XPO7: variants seen among roughly 807,000 people sequenced by gnomAD.
XPO7 encodes exportin-7.
In XPO7, 21 loss-of-function variants were observed where a neutral mutation model predicts 144.3. The observed-to-expected ratio is 0.15, with a 90% CI of 0.10 to 0.21. XPO7 has a LOEUF of 0.21. Among genes scored for constraint, XPO7 ranks in the 10% least tolerant of loss-of-function variants. XPO7 has a pLI of 1.00. For missense variants in XPO7, 808 were observed against 1,325.8 expected, an observed-to-expected ratio of 0.61 and a Z score of 6.06; for synonymous variants, 580 against 499.6, an observed-to-expected ratio of 1.16 and a Z score of -2.15.
chr8:21,947,420 C>G (rs533583585), intron 1 of XPO7, among the ~76,000 whole-genome samples: 1 of 152,136 alleles, frequency 6.6e-6, no homozygotes, highest in South Asian at 2.1e-4. Context: ...ACAGAGGGGT[C>G]TGAGGTATAT....
intron 23 of XPO7, 60 bp downstream of exon 23, chr8:21,999,365 T>C (rs1813062031): frequency 1.2e-6 from 2 of 1,600,300 alleles, no homozygotes; most frequent in Non-Finnish European, 1.7e-6. Flanking sequence ...CTTTTTCACC[T>C]GAGACCAAGA....
rs1387215119 is a variant in XPO7, at chr8:21,977,855, C to T, written c.837+12C>T. ...CATTTTCACCTCTGGTGAGTCAGGA[C>T]TACCGTTTCTTAAAGCAAACCTATT... On this transcript the variant is annotated intron_variant, in intron 8 of 27. Transcript: ENST00000252512. 1.2e-6 allele frequency: 2 copies of T among 1,611,570 alleles called. No homozygotes were observed. Among genetic ancestry groups the T allele is most frequent in the Non-Finnish European group, 1.7e-6 (2 of 1,178,002 alleles).
chr8:21,999,470 A>G, intron 23 of XPO7, 66 bp from the exon 24 acceptor site: 1 of 1,600,708 alleles, frequency 6.2e-7, no homozygotes, highest in Non-Finnish European at 8.5e-7. Flanking sequence ...GCTATTTAAG[A>G]TCGTCTCCCT....
intron 26 of XPO7, 93 bp downstream of exon 26, chr8:22,003,410 C>G: frequency 1.0e-6 from 1 of 960,368 alleles, no homozygotes; most frequent in Non-Finnish European, 1.6e-6. Context: ...TATAGAAACA[C>G]CCCACGGTGG....
chr8:21,965,116 T>G (rs1464276947), intron 1 of XPO7, among the ~76,000 whole-genome samples: 2 of 152,166 alleles, frequency 1.3e-5, no homozygotes, highest in African/African-American at 4.8e-5. Flanking sequence ...TCTTTCTTGT[T>G]ACCTATTTTC....
chr8:21,991,175 G>A (rs574618431), intron 18 of XPO7, among the ~76,000 whole-genome samples: 4 of 152,248 alleles, frequency 2.6e-5, no homozygotes, highest in African/African-American at 7.2e-5. Flanking sequence ...CATTCTTCGG[G>A]TGTTAAATAA....
chr8:21,971,042 A>AG (rs1563326607), intron 4 of XPO7, among the ~76,000 whole-genome samples: 1 of 152,206 alleles, frequency 6.6e-6, no homozygotes, highest in East Asian at 1.9e-4. Flanking sequence ...TTTTAAAAAA[A>AG]AAATCTTTTA....
intron 21 of XPO7, among the ~76,000 whole-genome samples, chr8:21,996,868 C>T (rs143430825): frequency 1.1e-3 from 174 of 152,158 alleles, no homozygotes; most frequent in African/African-American, 3.9e-3. Flanking sequence ...AGTACAGTGG[C>T]GCAGTCTTGG....
At chr8:21,992,367 C>T (rs753033949) in intron 19 of XPO7, among the ~76,000 whole-genome samples, 3 of 152,110 alleles carry the variant, frequency 2.0e-5, no homozygotes, top group Non-Finnish European at 4.4e-5. Context: ...ACCATTTTTA[C>T]ATGTACAGTT....
intron 1 of XPO7, among the ~76,000 whole-genome samples, chr8:21,963,822 C>T (rs1172540919): frequency 6.6e-6 from 1 of 152,060 alleles, no homozygotes; most frequent in Non-Finnish European, 1.5e-5. Flanking sequence ...CTTTATTTTC[C>T]CCTAATCTAG....
chr8:21,959,893 C>A (rs1372502472), intron 1 of XPO7, among the ~76,000 whole-genome samples: 1 of 152,188 alleles, frequency 6.6e-6, no homozygotes, highest in Non-Finnish European at 1.5e-5. Context: ...TCTAACGATC[C>A]AGTATCAACC....
intron 1 of XPO7, among the ~76,000 whole-genome samples, chr8:21,940,837 A>G (rs1810967004): frequency 6.6e-6 from 1 of 152,138 alleles, no homozygotes. Flanking sequence ...ATCTTGCCAT[A>G]GGCGGGGTAG....
chr8:21,994,364 G>A lies in XPO7; in HGVS notation c.2150G>A (p.Arg717Gln), dbSNP rs201685249. ...TNSFNEQEAK[R>Q]TLVGLVRDLR... ...ACACATTTTTGCCTTCTACTACAGCGAACTCTAGTTGGCCTAGTAAGAGAC... is the reference window on the plus strand; with the variant it reads ...ACACATTTTTGCCTTCTACTACAGCAAACTCTAGTTGGCCTAGTAAGAGAC... The change falls in exon 20 of 28, where the codon CGA becomes CAA. Residue 717 changes from arginine (R) to glutamine (Q), a missense_variant and splice_region_variant. Physicochemically the swap from Arg to Gln is conservative, Grantham distance 43. Coordinates refer to ENST00000252512, the MANE Select transcript of XPO7 (RefSeq NM_015024.5). The A allele has an allele frequency of 1.9e-4, 301 of 1,611,172 alleles. 1 individual carries two copies. The highest frequency in any genetic ancestry group is 2.0e-4 in the Non-Finnish European group (234 of 1,178,130).
At chr8:21,943,606 C>T (rs1811065202) in intron 1 of XPO7, among the ~76,000 whole-genome samples, 1 of 152,100 alleles carries the variant, frequency 6.6e-6, no homozygotes, top group African/African-American at 2.4e-5. Context: ...TATTTCCTTC[C>T]CTTGAGAGTA....
intron 1 of XPO7, among the ~76,000 whole-genome samples, chr8:21,940,707 G>T (rs1214398286): frequency 1.3e-5 from 2 of 152,112 alleles, no homozygotes; most frequent in African/African-American, 4.8e-5. Flanking sequence ...GACCTCAGGT[G>T]ATCCACCTGC....
At chr8:22,003,065 G>C (rs1055998141) in intron 25 of XPO7, 154 bp from the exon 26 acceptor site, 1 of 481,752 alleles carries the variant, frequency 2.1e-6, no homozygotes, top group Non-Finnish European at 3.6e-6. Flanking sequence ...CCTTGAAATA[G>C]AAGACTCAGA....
At chr8:22,002,473 T>G (rs930189829) in intron 25 of XPO7, among the ~76,000 whole-genome samples, 2 of 152,222 alleles carry the variant, frequency 1.3e-5, no homozygotes, top group Non-Finnish European at 2.9e-5. Flanking sequence ...GGTTCTGGAT[T>G]ATTCTTCTGA....
At chr8:22,000,434 T>C (rs1045013555) in intron 24 of XPO7, among the ~76,000 whole-genome samples, 3 of 151,762 alleles carry the variant, frequency 2.0e-5, no homozygotes, top group Non-Finnish European at 4.4e-5. Context: ...CCATTTTGTT[T>C]CTAGGCTACC....
chr8:21,920,222 C>G (rs1175989331), intron 1 of XPO7, among the ~76,000 whole-genome samples: 1 of 149,810 alleles, frequency 6.7e-6, no homozygotes, highest in African/African-American at 2.5e-5. Context: ...AAAAAGGAAA[C>G]CTCGCGCTGA....
Sources: allele counts gnomAD v4.1 joint callset (sites outside exome capture counted in the v4.1 genomes callset), GRCh38; gene constraint gnomAD v4.1.1; transcripts MANE v1.5; gene names NCBI Gene and HGNC (gene_info 2026-07-23, HGNC 2026-07-21).